Variants in EPC1 observed in about 807,000 individuals in gnomAD.
EPC1 encodes the protein enhancer of polycomb homolog 1.
In EPC1, 12 loss-of-function variants were observed where a neutral mutation model predicts 98.4. The observed-to-expected ratio is 0.12, with a 90% confidence interval of 0.08 to 0.20. EPC1 has a LOEUF of 0.20. Among genes scored for constraint, EPC1 ranks in the 10% least tolerant of loss-of-function variants. The pLI is 1.00. For synonymous variants in EPC1, 357 were observed against 363.9 expected (o/e 0.98, Z 0.21); for missense variants, 729 against 990.5 (o/e 0.74, Z 3.54).
At chr10:32,368,018 T>C (rs1459813311) in intron 1 of EPC1, among the ~76,000 whole-genome samples, 1 of 152,218 alleles carries the variant, frequency 6.6e-6, no homozygotes, top group African/African-American at 2.4e-5. Context: ...CTGTCCAGTG[T>C]CCACACTTAC....
intron 1 of EPC1, among the ~76,000 whole-genome samples, chr10:32,308,377 A>G (rs1308204167): frequency 1.0e-5 from 1 of 100,134 alleles, no homozygotes; most frequent in Non-Finnish European, 2.2e-5. Flanking sequence ...GTAACTGAGC[A>G]ACAGTCTCAA....
chr10:32,360,793 T>C (rs904457378), intron 1 of EPC1, among the ~76,000 whole-genome samples: 2 of 151,766 alleles, frequency 1.3e-5, no homozygotes, highest in Non-Finnish European at 2.9e-5. Context: ...ACTTGGGAGG[T>C]TGAGGCAGGA....
chr10:32,272,005 T>G lies in EPC1; in HGVS notation c.2005+21A>C, dbSNP rs528239053. On this transcript the variant is annotated intron_variant, in intron 12 of 13. Coordinates refer to ENST00000319778, the MANE Select transcript of EPC1 (RefSeq NM_001272004.3). Reference sequence around the variant, plus strand: ...TATGTTATAAATATAACCCAAACAATTTAAATGTCTTTATTCTTACCTGAG... The same window carrying G: ...TATGTTATAAATATAACCCAAACAAGTTAAATGTCTTTATTCTTACCTGAG... 3.7e-6 allele frequency: 6 copies of G among 1,604,460 alleles called. No homozygotes were observed. In the African/African-American group the frequency reaches 6.7e-5, roughly 18 times the overall value.
At chr10:32,292,863 T>A in intron 4 of EPC1, 125 bp downstream of exon 4, 1 of 767,646 alleles carries the variant, frequency 1.3e-6, no homozygotes, top group Non-Finnish European at 1.9e-6. Context: ...AAGTTCAATT[T>A]AAGTATTTTT....
chr10:32,284,605 G>T, intron 10 of EPC1, 93 bp downstream of exon 10: 2 of 1,032,112 alleles, frequency 1.9e-6, no homozygotes, highest in Non-Finnish European at 1.4e-6. Context: ...AGGACTTTAA[G>T]CCATAAATGT....
intron 1 of EPC1, among the ~76,000 whole-genome samples, chr10:32,378,133 A>G (rs1839907350): frequency 6.6e-6 from 1 of 152,146 alleles, no homozygotes; most frequent in Non-Finnish European, 1.5e-5. Context: ...CCTGCTGATA[A>G]TTGAGTCCTG....
At chr10:32,335,269 T>C (rs1592610550) in intron 1 of EPC1, among the ~76,000 whole-genome samples, 1 of 152,160 alleles carries the variant, frequency 6.6e-6, no homozygotes, top group Non-Finnish European at 1.5e-5. Flanking sequence ...ACCCTGGCTC[T>C]CATCACCATT....
intron 1 of EPC1, among the ~76,000 whole-genome samples, chr10:32,307,207 A>G (rs1835925959): frequency 6.6e-6 from 1 of 152,158 alleles, no homozygotes; most frequent in Admixed American, 6.5e-5. Flanking sequence ...ATACAAATTG[A>G]AAGGGAAAAA....
intron 1 of EPC1, among the ~76,000 whole-genome samples, chr10:32,318,307 GT>G (rs1026790927): frequency 2.6e-5 from 4 of 152,012 alleles, no homozygotes; most frequent in African/African-American, 9.7e-5. Context: ...AAATGTGTCT[GT>G]TTTTTTCTAA....
At chr10:32,292,394 GAT>G (rs1297927899) in intron 5 of EPC1, 100 bp downstream of exon 5, 1 of 839,962 alleles carries the variant, frequency 1.2e-6, no homozygotes, top group Non-Finnish European at 1.7e-6. Context: ...ATTAAAAAAA[GAT>G]ATTTCTGTAA....
intron 1 of EPC1, among the ~76,000 whole-genome samples, chr10:32,335,608 C>T (rs930024903): frequency 1.3e-5 from 2 of 152,138 alleles, no homozygotes; most frequent in African/African-American, 4.8e-5. Context: ...AACACAACCA[C>T]TCAGAAGTTC....
At chr10:32,360,033 A>G (rs1040636405) in intron 1 of EPC1, among the ~76,000 whole-genome samples, 1 of 143,808 alleles carries the variant, frequency 7.0e-6, no homozygotes, top group Non-Finnish European at 1.5e-5. Flanking sequence ...TGTATCATTC[A>G]TGTTTGTATC....
In EPC1 at chr10:32,272,051, C is replaced by G; in HGVS notation, c.1980G>C (p.Gly660=). The G allele has an allele frequency of 1.2e-6, 2 of 1,613,448 alleles. No homozygotes were observed. The highest frequency in any genetic ancestry group is 2.7e-5 in the African/African-American group (2 of 74,980). ...KMKDDVVLGI[G]VNGVLPASGV... is the part of the protein sequence containing the mutation. Reference sequence around the variant, plus strand: ...CTGAGGCTGGAAGGACGCCATTCACCCCGATTCCAAGCACCACATCATCCT... The same window carrying G: ...CTGAGGCTGGAAGGACGCCATTCACGCCGATTCCAAGCACCACATCATCCT... Residue 660 remains glycine, a synonymous_variant, in exon 12 of 14, where the codon GGG becomes GGC. Coordinates refer to ENST00000319778, the MANE Select transcript of EPC1 (RefSeq NM_001272004.3).
chr10:32,272,207 T>A, intron 11 of EPC1, 40 bp from the exon 12 acceptor site: 1 of 1,529,074 alleles, frequency 6.5e-7, no homozygotes, highest in South Asian at 1.3e-5. Context: ...CAGTATCACT[T>A]AGTATCAAAT....
chr10:32,328,535 A>G (rs997865240), intron 1 of EPC1, among the ~76,000 whole-genome samples: 1 of 152,212 alleles, frequency 6.6e-6, no homozygotes, highest in Non-Finnish European at 1.5e-5. Flanking sequence ...GCTCCCAATG[A>G]GGGCATATTT....
intron 1 of EPC1, chr10:32,345,256 T>C (rs779700407): frequency 2.6e-4 from 261 of 985,298 alleles, no homozygotes; most frequent in Non-Finnish European, 3.0e-4. Context: ...AGTGCCCAAC[T>C]AGACAATCTG....
chr10:32,288,979 T>C (rs983852187), intron 6 of EPC1, among the ~76,000 whole-genome samples: 4 of 151,628 alleles, frequency 2.6e-5, no homozygotes, highest in Non-Finnish European at 4.4e-5. Context: ...GTCCCAGCTA[T>C]TTGGGAGGCT....
chr10:32,347,109 C>T lies in EPC1; in HGVS notation c.-194G>A. 9 of 1,440,384 alleles carry T rather than the reference C, an allele frequency of 6.2e-6. No individual in the cohort carries two copies. Among genetic ancestry groups the T allele is most frequent in the East Asian group, 2.5e-5 (1 of 40,074 alleles). The allele number at this position is 1,440,384 out of a possible 1,614,324, so 89.2% of individuals were successfully genotyped here. On this transcript the variant is annotated 5_prime_UTR_variant, in exon 1 of 14. Coordinates refer to ENST00000319778, the MANE Select transcript of EPC1 (RefSeq NM_001272004.3). ...TGCCGCTCCGCTCCTCTCTCGCTCGCTCTCTTCAATACGCCATGGCCAACA... is the reference window on the plus strand; with the variant it reads ...TGCCGCTCCGCTCCTCTCTCGCTCGTTCTCTTCAATACGCCATGGCCAACA...
intron 1 of EPC1, among the ~76,000 whole-genome samples, chr10:32,366,633 T>C (rs758071289): frequency 3.9e-5 from 6 of 152,140 alleles, no homozygotes; most frequent in Non-Finnish European, 7.3e-5. Flanking sequence ...CCATTTATAG[T>C]GATAAATATG....
Sources: gnomAD v4.1 joint callset for allele counts (sites outside exome capture counted in the v4.1 genomes callset) on GRCh38, gnomAD v4.1.1 for gene constraint, MANE v1.5 for transcripts, NCBI Gene and HGNC (gene_info 2026-07-23, HGNC 2026-07-21) for gene names.